PTPRG: variants seen among roughly 807,000 people sequenced by gnomAD.
The protein encoded by PTPRG is protein tyrosine phosphatase receptor type G.
PTPRG carries 102 observed loss-of-function variants against 165.3 expected under a neutral mutation model. The ratio of observed to expected loss-of-function variants is 0.62; its 90% CI spans 0.53 to 0.73. PTPRG has a LOEUF of 0.73. Among genes scored for constraint, PTPRG ranks in the 30% least tolerant of loss-of-function variants. The pLI, the probability that PTPRG is intolerant of heterozygous loss-of-function variation, is 0.00. For synonymous variants in PTPRG, 675 were observed against 669.5 expected, an observed-to-expected ratio of 1.01 and a Z score of -0.13; for missense variants, 1,866 against 1,861.4, an observed-to-expected ratio of 1.00 and a Z score of -0.05.
chr3:61,889,217 A>T (rs765557019), intron 2 of PTPRG, among the ~76,000 whole-genome samples: 1 of 152,158 alleles, frequency 6.6e-6, no homozygotes, highest in Non-Finnish European at 1.5e-5. Context: ...TGTGATTTCT[A>T]TATATGTATT....
At chr3:61,717,335 A>G (rs1282906683) in intron 1 of PTPRG, among the ~76,000 whole-genome samples, 1 of 152,198 alleles carries the variant, frequency 6.6e-6, no homozygotes, top group Non-Finnish European at 1.5e-5. Context: ...CATTTTACAG[A>G]TGAGGAAACT....
chr3:61,783,055 C>G (rs2034591462), intron 2 of PTPRG, among the ~76,000 whole-genome samples: 1 of 152,196 alleles, frequency 6.6e-6, no homozygotes, highest in African/African-American at 2.4e-5. Flanking sequence ...ATCCTCCTGC[C>G]TCAGCCTCCT....
At chr3:61,625,961 G>A (rs189708675) in intron 1 of PTPRG, among the ~76,000 whole-genome samples, 250 of 151,242 alleles carry the variant, frequency 1.7e-3, no homozygotes, top group African/African-American at 5.8e-3. Context: ...GCAAAGCAGA[G>A]TCATTTATGC....
chr3:62,179,082 C>T (rs905894106), intron 8 of PTPRG, among the ~76,000 whole-genome samples: 1 of 152,168 alleles, frequency 6.6e-6, no homozygotes, highest in Non-Finnish European at 1.5e-5. Context: ...CAAACAAACA[C>T]GGGTTGGTTG....
At chr3:61,914,892 T>C (rs2038895972) in intron 2 of PTPRG, among the ~76,000 whole-genome samples, 1 of 152,224 alleles carries the variant, frequency 6.6e-6, no homozygotes, top group Non-Finnish European at 1.5e-5. Flanking sequence ...CTCCAAATGT[T>C]ACCATATTGT....
At chr3:62,196,230 A>T (rs1699959717) in intron 10 of PTPRG, among the ~76,000 whole-genome samples, 1 of 151,154 alleles carries the variant, frequency 6.6e-6, no homozygotes, top group Admixed American at 6.6e-5. Context: ...CGTCTCTACT[A>T]AAAAAAACAA....
intron 1 of PTPRG, among the ~76,000 whole-genome samples, chr3:61,656,914 C>T (rs1702524071): frequency 1.3e-5 from 2 of 152,214 alleles, no homozygotes; most frequent in African/African-American, 4.8e-5. Flanking sequence ...CCTGCCTGCA[C>T]AGAGCTGACA....
chr3:62,119,284 G>A (rs1702975108), intron 5 of PTPRG, among the ~76,000 whole-genome samples: 1 of 152,202 alleles, frequency 6.6e-6, no homozygotes, highest in Non-Finnish European at 1.5e-5. Context: ...CAAACAGACT[G>A]GTGCCAGGAA....
intron 2 of PTPRG, among the ~76,000 whole-genome samples, chr3:61,920,059 A>G (rs373573674): frequency 5.4e-4 from 82 of 152,216 alleles, no homozygotes; most frequent in African/African-American, 1.8e-3. Flanking sequence ...GTGACATACT[A>G]TTGTGGAGGA....
At position 62,190,853 on chromosome 3, in the gene PTPRG, T is replaced by C. The variant is rs191872460; in HGVS notation, c.1034-616T>C. Among the ~76,000 whole-genome samples, 6 of 152,320 alleles carry C rather than the reference T, an allele frequency of 3.9e-5. No homozygotes were observed. In the East Asian group the frequency reaches 1.2e-3, roughly 29 times the overall value. On this transcript the variant is annotated intron_variant, in intron 8 of 29. Transcript: ENST00000474889. The surrounding 1 kb of genome is among the most constrained non-coding windows in gnomAD (Gnocchi z 5.2). ...CAGGGGGACACAGTGATTAAGGATCTTTTGGAGACAGCGGGGAAAATTTGA... is the reference window on the plus strand; with the variant it reads ...CAGGGGGACACAGTGATTAAGGATCCTTTGGAGACAGCGGGGAAAATTTGA...
At chr3:62,253,921 T>A (rs11709670) in intron 15 of PTPRG, among the ~76,000 whole-genome samples, 6 of 152,168 alleles carry the variant, frequency 3.9e-5, no homozygotes, top group African/African-American at 1.4e-4. Flanking sequence ...TATGAACACA[T>A]AAGTCACCTT....
chr3:61,926,203 G>T (rs1292902484), intron 2 of PTPRG, among the ~76,000 whole-genome samples: 1 of 152,122 alleles, frequency 6.6e-6, no homozygotes, highest in East Asian at 1.9e-4. Flanking sequence ...ATATGGTTCG[G>T]ATCTGTGTCT....
At chr3:62,262,751 C>A (rs966737542) in intron 16 of PTPRG, 47 bp from the exon 17 acceptor site, 1 of 1,432,546 alleles carries the variant, frequency 7.0e-7, no homozygotes, top group Non-Finnish European at 9.7e-7. Context: ...ATATGGTGTT[C>A]CTTTGTTTCT....
At chr3:62,102,067 G>T (rs935288653) in intron 5 of PTPRG, among the ~76,000 whole-genome samples, 2 of 151,794 alleles carry the variant, frequency 1.3e-5, no homozygotes, top group African/African-American at 4.8e-5. Context: ...TTCCCCTATT[G>T]TTACCGTATT....
chr3:61,699,687 T>C (rs1297988239), intron 1 of PTPRG, among the ~76,000 whole-genome samples: 1 of 152,210 alleles, frequency 6.6e-6, no homozygotes, highest in African/African-American at 2.4e-5. Flanking sequence ...GATTGTCACC[T>C]TGGCTTGAAT....
chr3:62,111,415 G>C (rs1702662463), intron 5 of PTPRG, among the ~76,000 whole-genome samples: 1 of 152,130 alleles, frequency 6.6e-6, no homozygotes, highest in South Asian at 2.1e-4. Context: ...CATAATAAAG[G>C]CTCTCTGATA....
At chr3:61,875,375 C>CACATATACACATATGT (rs1468818929) in intron 2 of PTPRG, among the ~76,000 whole-genome samples, 1 of 136,630 alleles carries the variant, frequency 7.3e-6, no homozygotes, top group Admixed American at 6.9e-5. Flanking sequence ...CAAGGCAAAA[C>CACATATACACATATGT]GTTTTGAGAG....
intron 1 of PTPRG, among the ~76,000 whole-genome samples, chr3:61,566,688 G>T (rs549074222): frequency 6.6e-6 from 1 of 152,252 alleles, no homozygotes; most frequent in African/African-American, 2.4e-5. Flanking sequence ...TTGTAATTTT[G>T]TGGAGACGGA....
intron 1 of PTPRG, among the ~76,000 whole-genome samples, chr3:61,586,529 G>C (rs1484950931): frequency 6.6e-6 from 1 of 152,200 alleles, no homozygotes; most frequent in African/African-American, 2.4e-5. Flanking sequence ...CTGTTCGTTT[G>C]CACCACCAGT....
Sources: allele counts gnomAD v4.1 joint callset (sites outside exome capture counted in the v4.1 genomes callset), GRCh38; gene constraint gnomAD v4.1.1; non-coding constraint Gnocchi (gnomAD v3.1); transcripts MANE v1.5; gene names NCBI Gene and HGNC (gene_info 2026-07-23, HGNC 2026-07-21).